TMC1: variants seen among roughly 807,000 people sequenced by gnomAD.
The protein encoded by TMC1 is transmembrane channel like 1, also known as transmembrane channel-like protein 1.
A neutral mutation model predicts 105.8 loss-of-function variants in TMC1; 84 were observed. The ratio of observed to expected loss-of-function variants is 0.79; its 90% confidence interval spans 0.67 to 0.95. The LOEUF is 0.95. TMC1 is among the 40% of genes least tolerant of loss of function. TMC1 has a pLI of 0.00. For missense variants in TMC1, 817 were observed against 914.1 expected (o/e 0.89, Z 1.37); for synonymous variants, 315 against 311.5 (o/e 1.01, Z -0.12).
chr9:72,718,189 A>G (rs1210403675), intron 8 of TMC1, among the ~76,000 whole-genome samples: 1 of 150,306 alleles, frequency 6.7e-6, no homozygotes, highest in African/African-American at 2.5e-5. Context: ...GACCTTCTGA[A>G]TTTTTTTTTC....
chr9:72,770,923 C>T (rs531838169), intron 12 of TMC1, among the ~76,000 whole-genome samples: 2 of 152,290 alleles, frequency 1.3e-5, no homozygotes, highest in Admixed American at 1.3e-4. Flanking sequence ...GATGTCCAGC[C>T]ATGCTGGGGA....
rs535822561 is a variant in TMC1 at position 72,614,401 on chromosome 9, G to A, written c.-305-1967G>A. ...GCCTTTTGAAATTCATACTTAGTGT[G>A]TTAAATGGATTTAATTGCTGTTAGT... On this transcript the variant is annotated intron_variant, in intron 2 of 23. Coordinates refer to ENST00000297784, the MANE Select transcript of TMC1 (RefSeq NM_138691.3). Among the ~76,000 whole-genome samples, 6 of 152,296 alleles carry A rather than the reference G, an allele frequency of 3.9e-5. No homozygotes were observed. In the East Asian group the frequency reaches 7.7e-4, roughly 20 times the overall value.
intron 3 of TMC1, among the ~76,000 whole-genome samples, chr9:72,619,828 A>ATTT (rs1825211700): frequency 7.1e-6 from 1 of 140,830 alleles, no homozygotes; most frequent in Non-Finnish European, 1.6e-5. Context: ...TTAATTAATT[A>ATTT]ATTAATTTAT....
intron 20 of TMC1, among the ~76,000 whole-genome samples, 170 bp from the exon 21 acceptor site, chr9:72,826,699 A>G (rs1201531101): frequency 1.3e-5 from 2 of 152,218 alleles, no homozygotes; most frequent in African/African-American, 2.4e-5. Context: ...TCTTACCCAT[A>G]TATTGACTAC....
At chr9:72,593,580 C>A (rs1000384045) in intron 2 of TMC1, among the ~76,000 whole-genome samples, 1 of 151,308 alleles carries the variant, frequency 6.6e-6, no homozygotes, top group African/African-American at 2.4e-5. Context: ...TTAGTAGAGA[C>A]GTGGTTTCTC....
At chr9:72,764,684 T>G (rs1248761275) in intron 12 of TMC1, among the ~76,000 whole-genome samples, 1 of 152,168 alleles carries the variant, frequency 6.6e-6, no homozygotes, top group Non-Finnish European at 1.5e-5. Context: ...AAAAAGTTGG[T>G]GTACATGACA....
chr9:72,545,425 C>G lies in TMC1; in HGVS notation c.-428+23512C>G, dbSNP rs1413098043. The stretch of plus-strand genomic sequence containing the variant: ...AATGACTTAACTTTGGCAAACTGGT[C>G]AATGATTTCATTAAAACTGATCTTT... On this transcript the variant is annotated intron_variant, in intron 1 of 23. Coordinates refer to ENST00000297784, the MANE Select transcript of TMC1 (RefSeq NM_138691.3). 2.0e-5 allele frequency among the ~76,000 whole-genome samples: 3 copies of G among 151,924 alleles called. No homozygotes were observed. The East Asian group carries it at 5.8e-4, about 29-fold the overall frequency.
chr9:72,761,985 G>T (rs1235533823), intron 12 of TMC1, among the ~76,000 whole-genome samples: 3 of 151,902 alleles, frequency 2.0e-5, no homozygotes, highest in East Asian at 1.9e-4. Flanking sequence ...TCAAAATTAT[G>T]TTACATGCAG....
intron 3 of TMC1, among the ~76,000 whole-genome samples, chr9:72,623,029 G>A (rs1446438290): frequency 1.4e-5 from 2 of 144,550 alleles, no homozygotes; most frequent in East Asian, 4.0e-4. Context: ...TCCAGCCTGG[G>A]TGACAGAGCG....
chr9:72,792,755 G>A (rs1223932622), intron 17 of TMC1, among the ~76,000 whole-genome samples: 1 of 152,120 alleles, frequency 6.6e-6, no homozygotes, highest in Admixed American at 6.5e-5. Context: ...ACAGAGTCTT[G>A]GGGGTGGCCA....
chr9:72,776,579 G>C (rs1434342248), intron 13 of TMC1, among the ~76,000 whole-genome samples: 2 of 152,104 alleles, frequency 1.3e-5, no homozygotes, highest in Admixed American at 1.3e-4. Context: ...GAGTTTTCTA[G>C]TTCAAAAGAT....
At chr9:72,784,123 A>G (rs561790532) in intron 13 of TMC1, among the ~76,000 whole-genome samples, 1 of 152,290 alleles carries the variant, frequency 6.6e-6, no homozygotes, top group Non-Finnish European at 1.5e-5. Context: ...TCAACAGACT[A>G]AACAGACAAC....
chr9:72,666,949 G>A (rs906965616), intron 5 of TMC1, among the ~76,000 whole-genome samples: 21 of 151,570 alleles, frequency 1.4e-4, no homozygotes, highest in Admixed American at 5.2e-4. Flanking sequence ...ACATGGTGGC[G>A]TGTGCCTGTA....
intron 8 of TMC1, among the ~76,000 whole-genome samples, chr9:72,733,347 C>A (rs1332630941): frequency 1.3e-5 from 2 of 151,984 alleles, no homozygotes; most frequent in African/African-American, 4.8e-5. Context: ...AGCCCAACAC[C>A]TGGGCCCTCT....
intron 1 of TMC1, among the ~76,000 whole-genome samples, chr9:72,540,881 A>G (rs1030008675): frequency 3.3e-5 from 5 of 152,224 alleles, no homozygotes; most frequent in South Asian, 4.1e-4. Flanking sequence ...TGGAGCTACA[A>G]TAGTACCTCC....
rs1826877772 is a variant in TMC1, at chr9:72,713,927, A to G, written c.362+13284A>G. On this transcript the variant is annotated intron_variant, in intron 8 of 23. Transcript: ENST00000297784. Reference sequence around the variant, plus strand: ...TTTAGTGCTATAAATTTCCCTCAACATACTGCTTTCAATGTGTCCCAGAGA... The same window carrying G: ...TTTAGTGCTATAAATTTCCCTCAACGTACTGCTTTCAATGTGTCCCAGAGA... Among the ~76,000 whole-genome samples the G allele has an allele frequency of 2.0e-5, 3 of 152,042 alleles. No individual in the cohort carries two copies. In the South Asian group the frequency reaches 6.2e-4, roughly 32 times the overall value.
intron 5 of TMC1, among the ~76,000 whole-genome samples, chr9:72,658,812 C>A (rs1485290334): frequency 2.0e-5 from 3 of 152,146 alleles, no homozygotes; most frequent in Non-Finnish European, 4.4e-5. Context: ...TGGGGTGTTA[C>A]AAAAGGCCTT....
intron 4 of TMC1, among the ~76,000 whole-genome samples, chr9:72,641,499 G>C (rs569012723): frequency 1.3e-5 from 2 of 152,326 alleles, no homozygotes; most frequent in Admixed American, 1.3e-4. Flanking sequence ...CAAACTCCTG[G>C]ATTTAGTCCA....
At chr9:72,628,253 A>G (rs978396395) in intron 4 of TMC1, 190 bp downstream of exon 4, 1 of 303,244 alleles carries the variant, frequency 3.3e-6, no homozygotes, top group African/African-American at 2.2e-5. Context: ...TGTGGGACTT[A>G]AAAACAGCTT....
Sources: allele counts gnomAD v4.1 joint callset (sites outside exome capture counted in the v4.1 genomes callset), GRCh38; gene constraint gnomAD v4.1.1; transcripts MANE v1.5; gene names NCBI Gene and HGNC (gene_info 2026-07-23, HGNC 2026-07-21).